ELMO1: variants seen among roughly 807,000 people sequenced by gnomAD.
ELMO1 encodes engulfment and cell motility protein 1.
Under a neutral mutation model 98.9 loss-of-function variants are expected in ELMO1, and 26 were observed. That is an observed-to-expected ratio of 0.26 (90% CI 0.19 to 0.36). The LOEUF (loss-of-function observed/expected upper bound fraction) is 0.36. Ranked by LOEUF, ELMO1 falls within the 10% of genes least tolerant of loss-of-function variation. ELMO1 has a pLI of 1.00. For synonymous variants in ELMO1, 346 were observed against 346.0 expected, an observed-to-expected ratio of 1.00 and a Z score of 0.00; for missense variants, 627 against 935.2, an observed-to-expected ratio of 0.67 and a Z score of 4.30.
In ELMO1 at chr7:37,268,665, C is replaced by T. The variant is rs149190738; in HGVS notation, c.243+3167G>A. 5.5e-4 allele frequency among the ~76,000 whole-genome samples: 83 copies of T among 152,260 alleles called. No individual in the cohort carries two copies. The East Asian group carries it at 0.012, about 21-fold the overall frequency. ...ACTAGAAAGATACGCTTGTTTAACACGGCCACTAGAGAGACTGTCTAAAGA... is the reference window on the plus strand; with the variant it reads ...ACTAGAAAGATACGCTTGTTTAACATGGCCACTAGAGAGACTGTCTAAAGA... On this transcript the variant is annotated intron_variant, in intron 5 of 21. Coordinates refer to ENST00000310758, the MANE Select transcript of ELMO1 (RefSeq NM_014800.11).
intron 16 of ELMO1, among the ~76,000 whole-genome samples, chr7:36,959,567 T>C (rs1788766922): frequency 1.3e-5 from 2 of 152,206 alleles, no homozygotes; most frequent in African/African-American, 4.8e-5. Flanking sequence ...TCTTCCTAAG[T>C]GAGGGGAGGG....
chr7:37,275,596 C>A (rs1179076364), intron 4 of ELMO1, among the ~76,000 whole-genome samples: 1 of 152,160 alleles, frequency 6.6e-6, no homozygotes, highest in South Asian at 2.1e-4. Context: ...CGGACGCAGG[C>A]ACTGCATCTA....
At chr7:37,007,179 C>T (rs577283158) in intron 16 of ELMO1, among the ~76,000 whole-genome samples, 198 of 152,220 alleles carry the variant, frequency 1.3e-3, no homozygotes, top group African/African-American at 4.3e-3. Flanking sequence ...ACATCAGAAG[C>T]CTTTTGAAAA....
At chr7:37,420,572 C>T (rs1369100557) in intron 1 of ELMO1, among the ~76,000 whole-genome samples, 2 of 152,220 alleles carry the variant, frequency 1.3e-5, no homozygotes, top group East Asian at 1.9e-4. Flanking sequence ...CCTGGCCTTT[C>T]CTGCGTGTGC....
intron 2 of ELMO1, among the ~76,000 whole-genome samples, chr7:37,330,692 T>C (rs1026180437): frequency 6.6e-6 from 1 of 152,236 alleles, no homozygotes; most frequent in Admixed American, 6.5e-5. Flanking sequence ...CGAGCATGAA[T>C]TATTTTTCTT....
intron 4 of ELMO1, among the ~76,000 whole-genome samples, chr7:37,288,327 C>T (rs890804161): frequency 1.3e-5 from 2 of 152,086 alleles, no homozygotes; most frequent in Admixed American, 6.5e-5. Context: ...TGGGTTCAAG[C>T]GATTCTCCTG....
chr7:37,367,256 C>T (rs1423050124), intron 1 of ELMO1, among the ~76,000 whole-genome samples: 1 of 152,224 alleles, frequency 6.6e-6, no homozygotes, highest in African/African-American at 2.4e-5. Flanking sequence ...TTGGCACACA[C>T]ACATTCCCAG....
At chr7:37,063,907 A>T (rs1796806399) in intron 15 of ELMO1, among the ~76,000 whole-genome samples, 1 of 152,074 alleles carries the variant, frequency 6.6e-6, no homozygotes, top group Non-Finnish European at 1.5e-5. Flanking sequence ...CTGCCACCAC[A>T]ACCACTTTCT....
intron 1 of ELMO1, among the ~76,000 whole-genome samples, chr7:37,386,955 A>C (rs537142906): frequency 1.3e-5 from 2 of 152,348 alleles, no homozygotes; most frequent in African/African-American, 4.8e-5. Context: ...GGCCTGGAGC[A>C]AGGCCCAGGC....
chr7:36,884,019 G>A (rs1216420626), intron 18 of ELMO1, among the ~76,000 whole-genome samples: 2 of 152,064 alleles, frequency 1.3e-5, no homozygotes, highest in Non-Finnish European at 2.9e-5. Context: ...TCCACCTCCT[G>A]TGCTTAGAAA....
intron 16 of ELMO1, among the ~76,000 whole-genome samples, chr7:36,897,582 G>C (rs2129056897): frequency 6.6e-6 from 1 of 152,270 alleles, no homozygotes; most frequent in Non-Finnish European, 1.5e-5. Context: ...GGAGAAGGAA[G>C]CTGGATGGAA....
chr7:36,952,485 A>G (rs1237057000), intron 16 of ELMO1, among the ~76,000 whole-genome samples: 1 of 152,168 alleles, frequency 6.6e-6, no homozygotes, highest in Admixed American at 6.5e-5. Flanking sequence ...TTAAGTGATT[A>G]ATGCCCAGCA....
chr7:37,068,502 A>C (rs555121547), intron 15 of ELMO1, among the ~76,000 whole-genome samples: 1 of 152,164 alleles, frequency 6.6e-6, no homozygotes, highest in Admixed American at 6.6e-5. Context: ...TAGTATAACT[A>C]TGAGGCCCAC....
At chr7:37,258,245 C>G (rs141868482) in intron 6 of ELMO1, among the ~76,000 whole-genome samples, 3 of 151,054 alleles carry the variant, frequency 2.0e-5, no homozygotes, top group Non-Finnish European at 2.9e-5. Flanking sequence ...TCCAGCCTGG[C>G]GACAGAGTGA....
chr7:37,007,169 AC>A (rs1323074885), intron 16 of ELMO1, among the ~76,000 whole-genome samples: 1 of 152,238 alleles, frequency 6.6e-6, no homozygotes, highest in African/African-American at 2.4e-5. Context: ...CCTTTGTGAA[AC>A]ATCAGAAGCC....
chr7:37,369,420 A>T (rs1583637430), intron 1 of ELMO1, among the ~76,000 whole-genome samples: 1 of 152,328 alleles, frequency 6.6e-6, no homozygotes, highest in African/African-American at 2.4e-5. Context: ...TGCATCTTGA[A>T]GCATTTCAAA....
At chr7:36,856,344 C>T (rs1205541116) in intron 21 of ELMO1, among the ~76,000 whole-genome samples, 2 of 152,202 alleles carry the variant, frequency 1.3e-5, no homozygotes, top group African/African-American at 2.4e-5. Flanking sequence ...GCTTATGCTG[C>T]CCAGTGTCTG....
At chr7:37,444,569 G>A (rs1426397275) in intron 1 of ELMO1, among the ~76,000 whole-genome samples, 2 of 152,064 alleles carry the variant, frequency 1.3e-5, no homozygotes, top group Non-Finnish European at 2.9e-5. Flanking sequence ...CTGGAGTGCA[G>A]TGGCGCAATC....
chr7:37,220,689 G>C (rs1373755306), intron 10 of ELMO1, among the ~76,000 whole-genome samples: 1 of 152,206 alleles, frequency 6.6e-6, no homozygotes, highest in Non-Finnish European at 1.5e-5. Context: ...CAAATGAACA[G>C]TAGTGTTTGG....
Sources: gnomAD v4.1 joint callset for allele counts (sites outside exome capture counted in the v4.1 genomes callset) on GRCh38, gnomAD v4.1.1 for gene constraint, MANE v1.5 for transcripts, NCBI Gene and HGNC (gene_info 2026-07-23, HGNC 2026-07-21) for gene names.